ALG9: variants seen among roughly 807,000 people sequenced by gnomAD.
ALG9 encodes alpha-1,2-mannosyltransferase ALG9.
ALG9 carries 55 observed loss-of-function variants against 81.8 expected under a neutral mutation model. That is an observed-to-expected ratio of 0.67 (90% CI 0.54 to 0.84). The LOEUF (loss-of-function observed/expected upper bound fraction) is 0.84, where lower values mean the gene tolerates loss of function less well. ALG9 is among the 40% of genes least tolerant of loss of function. The pLI, the probability that ALG9 is intolerant of heterozygous loss-of-function variation, is 0.00. For missense variants in ALG9, 629 were observed against 745.0 expected (o/e 0.84, Z 1.81); for synonymous variants, 278 against 274.3 (o/e 1.01, Z -0.13).
chr11:111,790,200 C>T (rs151285557), intron 14 of ALG9, among the ~76,000 whole-genome samples: 146 of 152,094 alleles, frequency 9.6e-4, no homozygotes, highest in African/African-American at 3.1e-3. Context: ...GGCATGGTGG[C>T]GGGTGCCTTT....
intron 6 of ALG9, among the ~76,000 whole-genome samples, chr11:111,857,306 C>T (rs1163975842): frequency 6.6e-6 from 1 of 152,152 alleles, no homozygotes; most frequent in Non-Finnish European, 1.5e-5. Flanking sequence ...AGTCTACTTT[C>T]TCATTTATAA....
At chr11:111,816,580 A>G (rs1951514550) in intron 13 of ALG9, among the ~76,000 whole-genome samples, 1 of 151,892 alleles carries the variant, frequency 6.6e-6, no homozygotes, top group Non-Finnish European at 1.5e-5. Context: ...TTTTGGAGAC[A>G]GGGTCTCAAT....
the ALG9 span, chr11:111,769,519 T>A: frequency 6.6e-6 from 1 of 151,774 alleles, no homozygotes; most frequent in Non-Finnish European, 1.5e-5. Flanking sequence ...CTCAGGAGGC[T>A]GAGGTGGGAG....
intron 4 of ALG9, chr11:111,864,257 T>C (rs1211361277): frequency 1.7e-5 from 19 of 1,097,244 alleles, no homozygotes; most frequent in East Asian, 2.4e-5. Flanking sequence ...GTGCACCATG[T>C]CTGGCTCCTC....
At chr11:111,849,857 G>GCATTT (rs1331983275) in intron 8 of ALG9, 21 of 152,252 alleles carry the variant, frequency 1.4e-4, no homozygotes, top group Non-Finnish European at 3.1e-4. Flanking sequence ...ACAGCACAAT[G>GCATTT]CATTTTTAAT....
chr11:111,824,177 T>C (rs1458244006), intron 13 of ALG9, among the ~76,000 whole-genome samples: 1 of 152,220 alleles, frequency 6.6e-6, no homozygotes, highest in East Asian at 1.9e-4. Flanking sequence ...TTTTAAAATA[T>C]CAGTGTATAT....
In ALG9 at chr11:111,786,236, A is replaced by G. The variant is rs1946451774; in HGVS notation, c.*161T>C. On this transcript the variant is annotated 3_prime_UTR_variant, in exon 15 of 15. Coordinates refer to ENST00000616540, the MANE Select transcript of ALG9 (RefSeq NM_024740.2). ...ACAGGGAGCAAATGTGACTTTGATT[A>G]GACTTTGAAATAGACTTTGACTAGC... 1.7e-6 allele frequency: 2 copies of G among 1,160,776 alleles called. No homozygotes were observed. Among genetic ancestry groups the G allele is most frequent in the African/African-American group, 1.5e-5 (1 of 66,084 alleles). The allele number at this position is 1,160,776 out of a possible 1,614,324, so 71.9% of individuals were successfully genotyped here.
chr11:111,860,456 T>C, intron 5 of ALG9, 91 bp downstream of exon 5: 1 of 1,051,972 alleles, frequency 9.5e-7, no homozygotes, highest in South Asian at 1.3e-5. Flanking sequence ...TAAATGCAAC[T>C]GTGAACTATT....
At chr11:111,836,546 A>C (rs1955306349) in intron 12 of ALG9, 1 of 438,514 alleles carries the variant, frequency 2.3e-6, no homozygotes, top group Non-Finnish European at 4.2e-6. Flanking sequence ...CCAAATGGTC[A>C]TATCATCAAA....
At chr11:111,850,661 C>T (rs1216365808) in intron 8 of ALG9, among the ~76,000 whole-genome samples, 4 of 136,154 alleles carry the variant, frequency 2.9e-5, no homozygotes, top group Non-Finnish European at 6.1e-5. Context: ...GAGCAGAGAT[C>T]GCACCACTGC....
Position 111,786,523 on chromosome 11 carries a change from G to A in ALG9, c.1734-3C>T. ...ATGCCCGCAGCAGCTTTGAAGATCTGAAAAACAAGGGATAAAAAAAAGAAT... is the reference window on the plus strand; with the variant it reads ...ATGCCCGCAGCAGCTTTGAAGATCTAAAAAACAAGGGATAAAAAAAAGAAT... On this transcript the variant is annotated splice_region_variant and splice_polypyrimidine_tract_variant and intron_variant, in intron 14 of 14. Coordinates refer to ENST00000616540, the MANE Select transcript of ALG9 (RefSeq NM_024740.2). 6.2e-7 allele frequency: 1 copy of A among 1,613,652 alleles called. No homozygotes were observed. The highest frequency in any genetic ancestry group is 8.5e-7 in the Non-Finnish European group (1 of 1,179,804).
intron 9 of ALG9, among the ~76,000 whole-genome samples, chr11:111,841,243 C>G (rs1191324757): frequency 1.5e-4 from 23 of 152,128 alleles, no homozygotes; most frequent in Admixed American, 1.5e-3. Context: ...TGTCTCTTAT[C>G]TATACACCAA....
At chr11:111,857,000 G>C (rs1286927529) in intron 6 of ALG9, among the ~76,000 whole-genome samples, 1 of 152,166 alleles carries the variant, frequency 6.6e-6, no homozygotes, top group Non-Finnish European at 1.5e-5. Flanking sequence ...CCAGCTACTT[G>C]GGGGGCTGAG....
At chr11:111,860,267 T>A (rs541994854) in intron 5 of ALG9, among the ~76,000 whole-genome samples, 21 of 152,352 alleles carry the variant, frequency 1.4e-4, no homozygotes, top group African/African-American at 5.0e-4. Context: ...GAATTTTGAC[T>A]TTTAGTAAAT....
intron 8 of ALG9, chr11:111,845,497 A>C (rs1234831893): frequency 6.6e-6 from 1 of 152,214 alleles, no homozygotes; most frequent in African/African-American, 2.4e-5. Flanking sequence ...TCAGAGGCCC[A>C]GGCCTTGCTG....
chr11:111,818,307 T>G (rs1165321326), intron 13 of ALG9, among the ~76,000 whole-genome samples: 1 of 152,196 alleles, frequency 6.6e-6, no homozygotes, highest in Non-Finnish European at 1.5e-5. Context: ...TATGTGAACA[T>G]CATAGAGTGT....
At chr11:111,864,349 T>A in intron 4 of ALG9, 1 of 773,716 alleles carries the variant, frequency 1.3e-6, no homozygotes, top group Non-Finnish European at 2.4e-6. Context: ...CCCAGGCAGC[T>A]GCAGACTTCA....
Position 111,840,655 on chromosome 11 carries a change from C to G in ALG9, c.1173G>C (p.Gln391His), listed in dbSNP as rs1355021746. The G allele has an allele frequency of 1.2e-6, 2 of 1,613,660 alleles. No individual in the cohort carries two copies. Among genetic ancestry groups the G allele is most frequent in the Admixed American group, 3.3e-5 (2 of 59,962 alleles). ...LCGAVALSAL[Q>H]HSFLYFQKCY... The stretch of plus-strand genomic sequence containing the variant: ...AGATACACTTCTCCCTGAAACTCAC[C>G]TGAAGTGCAGAGAGAGCCACAGCGC... Residue 391 changes from glutamine to histidine, a missense_variant and splice_region_variant, in exon 10 of 15, where the codon CAG becomes CAC. Gln to His is a conservative substitution (Grantham distance 24). Transcript: ENST00000616540.
At chr11:111,822,448 A>T (rs2136603896) in intron 13 of ALG9, among the ~76,000 whole-genome samples, 2 of 144,490 alleles carry the variant, frequency 1.4e-5, no homozygotes, top group South Asian at 4.4e-4. Context: ...GCTGTGGCTC[A>T]CACCTGTAAT....
Sources: gnomAD v4.1 joint callset for allele counts (sites outside exome capture counted in the v4.1 genomes callset) on GRCh38, gnomAD v4.1.1 for gene constraint, MANE v1.5 for transcripts, NCBI Gene and HGNC (gene_info 2026-07-23, HGNC 2026-07-21) for gene names.